Variants in RHOC observed in about 807,000 individuals in gnomAD.
The protein encoded by RHOC is ras homolog family member C, also known as rho-related GTP-binding protein RhoC.
Under a neutral mutation model 19.5 loss-of-function variants are expected in RHOC, and 13 were observed. The ratio of observed to expected loss-of-function variants is 0.67; its 90% CI spans 0.43 to 1.06. The LOEUF (loss-of-function observed/expected upper bound fraction) is 1.06, where lower values mean the gene tolerates loss of function less well. Among genes scored for constraint, RHOC ranks in the 50% least tolerant of loss-of-function variants. The pLI is 0.00. For synonymous variants in RHOC, 106 were observed against 97.3 expected (o/e 1.09, Z -0.52); for missense variants, 173 against 256.9 (o/e 0.67, Z 2.23).
chr1:112,706,485 CACACACACACACA>C (rs1674881750), intron 1 of RHOC, among the ~76,000 whole-genome samples: 1 of 19,924 alleles, frequency 5.0e-5, no homozygotes, highest in Non-Finnish European at 9.5e-5. Context: ...CACACACACA[CACACACACACACA>C]CACACACACA....
chr1:112,703,778 G>A lies in RHOC; in HGVS notation c.22C>T (p.Leu8=), dbSNP rs1170535230. The change falls in exon 3 of 6, where the codon CTG becomes TTG. Residue 8 remains leucine (L), a synonymous_variant. Coordinates refer to ENST00000339083, the MANE Select transcript of RHOC (RefSeq NM_175744.5). ...CAGGCACCATCCCCAACGATCACCAGCTTCTTTCGGATTGCAGCCATGGTG... is the reference window on the plus strand; with the variant it reads ...CAGGCACCATCCCCAACGATCACCAACTTCTTTCGGATTGCAGCCATGGTG... MAAIRKK[L]VIVGDGACGK... 1.2e-6 allele frequency: 2 copies of A among 1,612,142 alleles called. No individual in the cohort carries two copies. Among genetic ancestry groups the A allele is most frequent in the Non-Finnish European group, 1.7e-6 (2 of 1,179,422 alleles).
chr1:112,703,531 G>T, intron 3 of RHOC, 113 bp downstream of exon 3: 1 of 915,714 alleles, frequency 1.1e-6, no homozygotes, highest in Non-Finnish European at 1.7e-6. Flanking sequence ...ACTGGTTCCA[G>T]CAGGGAGAAT....
chr1:112,706,464 CCACACACACACACACA>C (rs57078670), intron 1 of RHOC, among the ~76,000 whole-genome samples: 42 of 23,030 alleles, frequency 1.8e-3, no homozygotes, highest in East Asian at 8.0e-3. Context: ...CACACACACA[CCACACACACACACACA>C]CACACACACA....
At chr1:112,706,443 ACACACACACACACACACACAC>A (rs1674852597) in intron 1 of RHOC, among the ~76,000 whole-genome samples, 1 of 36,188 alleles carries the variant, frequency 2.8e-5, no homozygotes, top group African/African-American at 8.2e-5. Flanking sequence ...ACACACACAC[ACACACACACACACACACACAC>A]CACACACACA....
intron 1 of RHOC, among the ~76,000 whole-genome samples, chr1:112,706,426 T>A (rs1674841359): frequency 9.1e-5 from 5 of 54,800 alleles, no homozygotes; most frequent in Non-Finnish European, 1.1e-4. Context: ...TCTCTCTCTC[T>A]CTCTACACAC....
In RHOC at chr1:112,702,555, G is replaced by A. The variant is rs764641859; in HGVS notation, c.408+8C>T. 13 of 1,613,188 alleles carry A rather than the reference G, an allele frequency of 8.1e-6. No individual in the cohort carries two copies. Among genetic ancestry groups the A allele is most frequent in the East Asian group, 6.7e-5 (3 of 44,862 alleles). On this transcript the variant is annotated splice_region_variant and intron_variant, in intron 5 of 5. Coordinates refer to ENST00000339083, the MANE Select transcript of RHOC (RefSeq NM_175744.5). Reference sequence around the variant, plus strand: ...CCCCAGGGGCTCCAGCCTGGCAGCCGTACCCACCTGCTTCATCTTGGCCAG... The same window carrying A: ...CCCCAGGGGCTCCAGCCTGGCAGCCATACCCACCTGCTTCATCTTGGCCAG...
At chr1:112,701,743 G>A (rs1481106971) in intron 5 of RHOC, 30 bp from the exon 6 acceptor site, 1 of 1,612,080 alleles carries the variant, frequency 6.2e-7, no homozygotes, top group Non-Finnish European at 8.5e-7. Context: ...GGGGTCAAAG[G>A]AAGCTGTTGA....
chr1:112,705,543 C>G (rs1674809708), intron 1 of RHOC: 1 of 486,604 alleles, frequency 2.1e-6, no homozygotes, highest in East Asian at 5.9e-5. Context: ...CACAGCCACA[C>G]TCTTCCCACC....
In RHOC at chr1:112,702,875, A is replaced by G. The variant is rs562683333; in HGVS notation, c.277+124T>C. The G allele has an allele frequency of 6.7e-5, 94 of 1,404,028 alleles. No individual in the cohort carries two copies. The African/African-American group carries it at 1.2e-3, about 19-fold the overall frequency. The allele number at this position is 1,404,028 out of a possible 1,614,324, so 87.0% of individuals were successfully genotyped here. A position where few individuals can be genotyped will look rare whatever the true frequency, so the allele number is the denominator to read the frequency against. On this transcript the variant is annotated intron_variant, in intron 4 of 5. Transcript: ENST00000339083. ...CCAGTTACCACAGTAAAGGAGACCAACAGGGCCTGAGTGCTCCCCTGCATC... is the reference window on the plus strand; with the variant it reads ...CCAGTTACCACAGTAAAGGAGACCAGCAGGGCCTGAGTGCTCCCCTGCATC...
intron 3 of RHOC, 69 bp from the exon 4 acceptor site, chr1:112,703,188 C>A: frequency 6.3e-7 from 1 of 1,588,692 alleles, no homozygotes; most frequent in Non-Finnish European, 8.6e-7. Context: ...TCCCCTGAAA[C>A]CACTGTCCTT....
At chr1:112,701,797 A>AGG in intron 5 of RHOC, 84 bp from the exon 6 acceptor site, 1 of 1,461,802 alleles carries the variant, frequency 6.8e-7, no homozygotes, top group Non-Finnish European at 9.5e-7. Context: ...TAGCAGCTGG[A>AGG]ACAAATGCCT....
chr1:112,703,896 G>A (rs1674750840), intron 2 of RHOC, 90 bp from the exon 3 acceptor site: 2 of 1,251,446 alleles, frequency 1.6e-6, no homozygotes, highest in Non-Finnish European at 2.2e-6. Context: ...TGGAAACCGA[G>A]GCATCTAGCA....
chr1:112,701,363 C>CCACGCTGGGAG lies in RHOC; in HGVS notation c.*176_*177insCTCCCAGCGTG. 6.6e-7 allele frequency: 1 copy of CCACGCTGGGAG among 1,508,676 alleles called. No homozygotes were observed. Among genetic ancestry groups the CCACGCTGGGAG allele is most frequent in the Non-Finnish European group, 8.9e-7 (1 of 1,123,808 alleles). The allele number at this position is 1,508,676 out of a possible 1,614,324, so 93.5% of individuals were successfully genotyped here. A position where few individuals can be genotyped will look rare whatever the true frequency, so the allele number is the denominator to read the frequency against. Reference sequence around the variant, plus strand: ...CAGGGCATAGGCGTGGCTCCCAGAGCGCTGGGAGGGAGGGCCCGTGCCACC... The same window carrying CCACGCTGGGAG: ...CAGGGCATAGGCGTGGCTCCCAGAGCCACGCTGGGAGGCTGGGAGGGAGGGCCCGTGCCACC... On this transcript the variant is annotated 3_prime_UTR_variant, in exon 6 of 6. Transcript: ENST00000339083.
chr1:112,706,490 A>ACCACACACACACACACACACCCCCACAC lies in RHOC; in HGVS notation c.-77+587_-77+588insGTGTGGGGGTGTGTGTGTGTGTGTGTGG, dbSNP rs1557780791. Among the ~76,000 whole-genome samples, 48 of 28,480 alleles carry ACCACACACACACACACACACCCCCACAC rather than the reference A, an allele frequency of 1.7e-3. 1 individual carries two copies. Among genetic ancestry groups the ACCACACACACACACACACACCCCCACAC allele is most frequent in the Non-Finnish European group, 2.9e-3 (37 of 12,934 alleles). 18.7% of individuals were successfully genotyped at this position (28,480 alleles called of 152,430 possible). On this transcript the variant is annotated intron_variant, in intron 1 of 5. Coordinates refer to ENST00000339083, the MANE Select transcript of RHOC (RefSeq NM_175744.5). The stretch of plus-strand genomic sequence containing the variant: ...CACACACACACACACACACACACAC[A>ACCACACACACACACACACACCCCCACAC]CACACACACACACACACACACACAC...
At chr1:112,706,495 CACACACACACACACACA>C (rs1674888662) in intron 1 of RHOC, among the ~76,000 whole-genome samples, 2 of 36,730 alleles carry the variant, frequency 5.4e-5, no homozygotes, top group East Asian at 1.1e-3. Flanking sequence ...CACACACACA[CACACACACACACACACA>C]CACACACACA....
rs76570619 is a variant in RHOC, at chr1:112,704,108, G to C, written c.-7-302C>G. On this transcript the variant is annotated intron_variant, in intron 2 of 5. Transcript: ENST00000339083. The stretch of plus-strand genomic sequence containing the variant: ...TCCACTTGCCAACCTGGGGACTCCA[G>C]GTAGCTAGAGAGCTGCTCAGGGATG... Among the ~76,000 whole-genome samples, 805 of 152,324 alleles carry C rather than the reference G, an allele frequency of 5.3e-3. 5 individuals are homozygous for C. Among genetic ancestry groups the C allele is most frequent in the Non-Finnish European group, 8.3e-3 (568 of 68,030 alleles).
At chr1:112,705,244 C>T in intron 1 of RHOC, 76 bp from the exon 2 acceptor site, 1 of 695,334 alleles carries the variant, frequency 1.4e-6, no homozygotes, top group Non-Finnish European at 2.6e-6. Flanking sequence ...GGGCCAGTCC[C>T]AGCACCAACC....
At chr1:112,705,404 G>C in intron 1 of RHOC, 2 of 601,832 alleles carry the variant, frequency 3.3e-6, no homozygotes, top group Non-Finnish European at 3.0e-6. Context: ...TTTAGGAAGC[G>C]AATACTCCAG....
intron 2 of RHOC, 113 bp from the exon 3 acceptor site, chr1:112,703,919 G>T: frequency 1.1e-6 from 1 of 923,768 alleles, no homozygotes; most frequent in Non-Finnish European, 1.6e-6. Context: ...GGGACAGGGG[G>T]CTTGCTCAGG....
Sources: allele counts gnomAD v4.1 joint callset (sites outside exome capture counted in the v4.1 genomes callset), GRCh38; gene constraint gnomAD v4.1.1; transcripts MANE v1.5; gene names NCBI Gene and HGNC (gene_info 2026-07-23, HGNC 2026-07-21).